Variants in ECE2 observed in about 807,000 individuals in gnomAD.
ECE2 encodes endothelin-converting enzyme 2.
A neutral mutation model predicts 100.6 loss-of-function variants in ECE2; 81 were observed. That is an observed-to-expected ratio of 0.81 (90% CI 0.67 to 0.97). The LOEUF (loss-of-function observed/expected upper bound fraction) is 0.97, where lower values mean the gene tolerates loss of function less well. Among genes scored for constraint, ECE2 ranks in the 50% least tolerant of loss-of-function variants. The pLI is 0.00. For missense variants in ECE2, 911 were observed against 988.1 expected (o/e 0.92, Z 1.05); for synonymous variants, 391 against 391.5 (o/e 1.00, Z 0.02).
intron 7 of ECE2, among the ~76,000 whole-genome samples, chr3:184,283,574 A>G (rs1456316484): frequency 5.5e-4 from 80 of 145,052 alleles, no homozygotes; most frequent in African/African-American, 2.0e-3. Flanking sequence ...AAAAAAAAAA[A>G]AAAAAAAAAA....
intron 7 of ECE2, 87 bp downstream of exon 7, chr3:184,278,644 G>T: frequency 2.7e-6 from 4 of 1,459,220 alleles, no homozygotes; most frequent in Non-Finnish European, 3.8e-6. Context: ...AAGGGTCAGA[G>T]CAGGGAAGGT....
Position 184,292,169 on chromosome 3 carries a change from C to T in ECE2, c.2229C>T (p.Asp743=). 6.2e-7 allele frequency: 1 copy of T among 1,614,190 alleles called. No individual in the cohort carries two copies. The highest frequency in any genetic ancestry group is 1.1e-5 in the South Asian group (1 of 91,088). Residue 743 remains aspartate (D), a synonymous_variant, in exon 19 of 19, where the codon GAC becomes GAT. Coordinates refer to ENST00000404464, the MANE Select transcript of ECE2 (RefSeq NM_001100121.2). Reference sequence around the variant, plus strand: ...TGGGCACTCTCTCCAACTCCCGTGACTTCCTGCGGCACTTCGGCTGCCCTG... The same window carrying T: ...TGGGCACTCTCTCCAACTCCCGTGATTTCCTGCGGCACTTCGGCTGCCCTG... ...RVLGTLSNSR[D]FLRHFGCPVG... is the part of the protein sequence containing the mutation.
chr3:184,291,599 G>C lies in ECE2; in HGVS notation c.2121+160G>C. 4.5e-6 allele frequency: 3 copies of C among 664,688 alleles called. No homozygotes were observed. The highest frequency in any genetic ancestry group is 7.3e-6 in the Non-Finnish European group (3 of 412,162). The allele number at this position is 664,688 out of a possible 1,614,324, so 41.2% of individuals were successfully genotyped here. A position where few individuals can be genotyped will look rare whatever the true frequency, so the allele number is the denominator to read the frequency against. On this transcript the variant is annotated intron_variant, in intron 18 of 18. Coordinates refer to ENST00000404464, the MANE Select transcript of ECE2 (RefSeq NM_001100121.2). This position sits in a 1 kb window ranked among gnomAD's most constrained non-coding sequence, Gnocchi z 4.1. ...GGGAAGGCCCATGCCCAGAGCCTCC[G>C]GCCAGCCAGGGCCCACAAAGGCAGC...
rs903858211 is a variant in ECE2 at position 184,291,967 on chromosome 3, G to C, written c.2122-95G>C. 7.1e-7 allele frequency: 1 copy of C among 1,405,086 alleles called. No individual in the cohort carries two copies. Among genetic ancestry groups the C allele is most frequent in the Middle Eastern group, 2.4e-4 (1 of 4,176 alleles). 87.0% of individuals were successfully genotyped at this position (1,405,086 alleles called of 1,614,324 possible). A position where few individuals can be genotyped will look rare whatever the true frequency, so the allele number is the denominator to read the frequency against. On this transcript the variant is annotated intron_variant, in intron 18 of 18. Coordinates refer to ENST00000404464, the MANE Select transcript of ECE2 (RefSeq NM_001100121.2). The surrounding 1 kb of genome is among the most constrained non-coding windows in gnomAD (Gnocchi z 4.1). ...GAAGGAACTTGGGAGGGGCTGCAGCGGTGGTGGTTTGTGCCCCTGGGATGG... is the reference window on the plus strand; with the variant it reads ...GAAGGAACTTGGGAGGGGCTGCAGCCGTGGTGGTTTGTGCCCCTGGGATGG...
At chr3:184,281,292 G>A (rs1720806383) in intron 7 of ECE2, among the ~76,000 whole-genome samples, 1 of 152,192 alleles carries the variant, frequency 6.6e-6, no homozygotes, top group Non-Finnish European at 1.5e-5. Flanking sequence ...CCAGTTGTTG[G>A]GACTATTATA....
chr3:184,279,916 G>A (rs1291698369), intron 7 of ECE2, among the ~76,000 whole-genome samples: 1 of 152,134 alleles, frequency 6.6e-6, no homozygotes, highest in Non-Finnish European at 1.5e-5. Flanking sequence ...GAGTAGATGT[G>A]AGAAAGAAAG....
In ECE2 at chr3:184,278,346, A is replaced by G. The variant is rs758996914; in HGVS notation, c.750+33A>G. ...GCTGGGAAAGGGTGGGGAGAGACTT[A>G]GGGACACTTTGCTGAGCCCAGACTT... is the stretch of plus-strand genomic sequence containing the variant. On this transcript the variant is annotated intron_variant, in intron 6 of 18. Transcript: ENST00000404464. 4 of 1,608,706 alleles carry G rather than the reference A, an allele frequency of 2.5e-6. No homozygotes were observed. In the African/African-American group the frequency reaches 5.3e-5, roughly 21 times the overall value.
intron 7 of ECE2, among the ~76,000 whole-genome samples, chr3:184,279,884 G>C (rs941234236): frequency 6.6e-6 from 1 of 152,276 alleles, no homozygotes; most frequent in African/African-American, 2.4e-5. Context: ...GCTTTGGGAA[G>C]TCAGTTTGTT....
In ECE2 at chr3:184,291,257, G is replaced by A. The variant is rs200175398; in HGVS notation, c.2025+27G>A. 1.4e-4 allele frequency: 224 copies of A among 1,602,384 alleles called. 1 individual carries two copies. The African/African-American group carries it at 2.5e-3, about 18-fold the overall frequency. ...TGAGTGGCCTGACCAGCCCTCCAGC[G>A]GCTGAGGCCTGCTGGCCTGGGGTGA... On this transcript the variant is annotated intron_variant, in intron 17 of 18. Coordinates refer to ENST00000404464, the MANE Select transcript of ECE2 (RefSeq NM_001100121.2). This position sits in a 1 kb window ranked among gnomAD's most constrained non-coding sequence, Gnocchi z 4.1.
intron 7 of ECE2, among the ~76,000 whole-genome samples, chr3:184,280,591 C>A (rs776548242): frequency 9.2e-5 from 14 of 152,198 alleles, no homozygotes; most frequent in Non-Finnish European, 1.6e-4. Flanking sequence ...TGTCTGTAAT[C>A]CAAACACTTT....
chr3:184,290,584 T>A lies in ECE2; in HGVS notation c.1683T>A (p.Asn561Lys). 4 of 1,614,110 alleles carry A rather than the reference T, an allele frequency of 2.5e-6. No individual in the cohort carries two copies. Among genetic ancestry groups the A allele is most frequent in the Non-Finnish European group, 3.4e-6 (4 of 1,180,014 alleles). Reference protein sequence around the residue: ...DQWSMTPQTVNAYYLPTKNEI... With the variant: ...DQWSMTPQTVKAYYLPTKNEI... Reference sequence around the variant, plus strand: ...GGAGCATGACCCCCCAGACAGTGAATGCCTACTACCTTCCAACTAAGAATG... The same window carrying A: ...GGAGCATGACCCCCCAGACAGTGAAAGCCTACTACCTTCCAACTAAGAATG... Residue 561 changes from asparagine to lysine, a missense_variant, in exon 15 of 19, where the codon AAT (asparagine) becomes AAA (lysine). Asn to Lys is a moderately conservative substitution (Grantham distance 94, BLOSUM62 0). Coordinates refer to ENST00000404464, the MANE Select transcript of ECE2 (RefSeq NM_001100121.2).
intron 7 of ECE2, 76 bp from the exon 8 acceptor site, chr3:184,283,709 A>C: frequency 6.8e-7 from 1 of 1,460,158 alleles, no homozygotes; most frequent in Non-Finnish European, 9.3e-7. Context: ...TATTGGGCAG[A>C]GGTGGTGGTA....
chr3:184,289,408 G>T lies in ECE2; in HGVS notation c.1375-29G>T. 6.4e-7 allele frequency: 1 copy of T among 1,569,668 alleles called. No homozygotes were observed. The highest frequency in any genetic ancestry group is 8.6e-7 in the Non-Finnish European group (1 of 1,156,452). On this transcript the variant is annotated intron_variant, in intron 11 of 18. Coordinates refer to ENST00000404464, the MANE Select transcript of ECE2 (RefSeq NM_001100121.2). This position sits in a 1 kb window ranked among gnomAD's most constrained non-coding sequence, Gnocchi z 4.1. ...GGGCAGGGATGCATTCAGTGCAGGG[G>T]AAGGCTGACTTTACCTCCTCCCTCC...
chr3:184,291,622 A>G lies in ECE2; in HGVS notation c.2121+183A>G. 1 of 587,870 alleles carries G rather than the reference A, an allele frequency of 1.7e-6. No individual in the cohort carries two copies. Among genetic ancestry groups the G allele is most frequent in the Admixed American group, 3.5e-5 (1 of 28,686 alleles). 36.4% of individuals were successfully genotyped at this position (587,870 alleles called of 1,614,324 possible). A position where few individuals can be genotyped will look rare whatever the true frequency, so the allele number is the denominator to read the frequency against. On this transcript the variant is annotated intron_variant, in intron 18 of 18. Transcript: ENST00000404464. This position sits in a 1 kb window ranked among gnomAD's most constrained non-coding sequence, Gnocchi z 4.1. ...CCGGCCAGCCAGGGCCCACAAAGGCAGCCTGAAGAGGCCTGAGCGGGAGAA... is the reference window on the plus strand; with the variant it reads ...CCGGCCAGCCAGGGCCCACAAAGGCGGCCTGAAGAGGCCTGAGCGGGAGAA...
chr3:184,285,015 C>A lies in ECE2; in HGVS notation c.1058C>A (p.Pro353Gln). ...WLEFLSFLLS[P>Q]LELSDSEPVV... ...GAGTTCCTGTCTTTCTTGCTGTCAC[C>A]ATTGGAGTTGAGTGACTCTGAGCCT... Residue 353 changes from proline to glutamine, a missense_variant, in exon 9 of 19, where the codon CCA becomes CAA. Transcript: ENST00000404464. 1 of 1,614,144 alleles carries A rather than the reference C, an allele frequency of 6.2e-7. No homozygotes were observed. The highest frequency in any genetic ancestry group is 8.5e-7 in the Non-Finnish European group (1 of 1,180,022).
chr3:184,277,547 A>C (rs1289884835), intron 4 of ECE2, 81 bp downstream of exon 4: 1 of 1,443,700 alleles, frequency 6.9e-7, no homozygotes. Flanking sequence ...GCAAATAGGC[A>C]GTGTCCATGA....
rs1198001825 is a variant in ECE2 at position 184,277,872 on chromosome 3, C to T, written c.479-53C>T. 3.8e-6 allele frequency: 6 copies of T among 1,597,902 alleles called. No individual in the cohort carries two copies. In the Admixed American group the frequency reaches 1.0e-4, roughly 27 times the overall value. ...AGAAACCGAGCAAGGGCCAGGGACT[C>T]CCCCTCAGCAGTTAACGTAATTGCC... On this transcript the variant is annotated intron_variant, in intron 4 of 18. Transcript: ENST00000404464.
chr3:184,288,001 ATG>A (rs1721135284), intron 11 of ECE2, 54 bp downstream of exon 11: 1 of 1,534,280 alleles, frequency 6.5e-7, no homozygotes, highest in South Asian at 1.1e-5. Context: ...CTGTTCATGT[ATG>A]TGCAGACATA....
At chr3:184,285,334 G>T (rs1720992187) in intron 9 of ECE2, 144 bp from the exon 10 acceptor site, 5 of 883,280 alleles carry the variant, frequency 5.7e-6, no homozygotes, top group Non-Finnish European at 7.0e-6. Flanking sequence ...CAGGTGTGTG[G>T]CCCCGGGACC....
Sources: allele counts gnomAD v4.1 joint callset (sites outside exome capture counted in the v4.1 genomes callset), GRCh38; gene constraint gnomAD v4.1.1; non-coding constraint Gnocchi (gnomAD v3.1); transcripts MANE v1.5; gene names NCBI Gene and HGNC (gene_info 2026-07-23, HGNC 2026-07-21).